The following MYT1L variants were observed in gnomAD, a reference collection of about 807,000 sequenced individuals.
MYT1L encodes myelin transcription factor 1 like.
Under a neutral mutation model 126.7 loss-of-function variants are expected in MYT1L, and 12 were observed. The ratio of observed to expected loss-of-function variants is 0.09; its 90% CI spans 0.06 to 0.15. MYT1L has a LOEUF of 0.15. Ranked by LOEUF, MYT1L falls within the 10% of genes least tolerant of loss-of-function variation. The pLI, the probability that MYT1L is intolerant of heterozygous loss-of-function variation, is 1.00. For missense variants in MYT1L, 979 were observed against 1,585.2 expected, an observed-to-expected ratio of 0.62 and a Z score of 6.49; for synonymous variants, 541 against 604.2, an observed-to-expected ratio of 0.90 and a Z score of 1.53.
chr2:2,089,657 G>A (rs561183482), intron 3 of MYT1L, among the ~76,000 whole-genome samples: 2 of 152,128 alleles, frequency 1.3e-5, no homozygotes, highest in African/African-American at 2.4e-5. Flanking sequence ...ACAGATGGAC[G>A]GAGGTTAATA....
At chr2:2,254,012 T>C (rs781422451) in intron 2 of MYT1L, among the ~76,000 whole-genome samples, 3 of 152,148 alleles carry the variant, frequency 2.0e-5, no homozygotes, top group Admixed American at 6.5e-5. Flanking sequence ...CAGCACACTA[T>C]GTATAAAAGA....
intron 1 of MYT1L, among the ~76,000 whole-genome samples, chr2:2,307,503 AATT>A (rs1192715448): frequency 1.3e-5 from 2 of 152,176 alleles, no homozygotes; most frequent in Middle Eastern, 3.4e-3. Flanking sequence ...CTGCCAGACT[AATT>A]ATCCCAAAGA....
rs2041111057 is a variant in MYT1L, at chr2:1,837,819, AGAG to A, written c.3080+1327_3080+1329del. Among the ~76,000 whole-genome samples the A allele has an allele frequency of 2.6e-5, 4 of 151,970 alleles. No individual in the cohort carries two copies. In the South Asian group the frequency reaches 8.3e-4, roughly 32 times the overall value. ...ATAAATAGGGGTGCTTTTCAGTTCCAGAGAAGACGGGAACTGCCTGCCTTTGAG... is the reference window on the plus strand; with the variant it reads ...ATAAATAGGGGTGCTTTTCAGTTCCAAAGACGGGAACTGCCTGCCTTTGAG... On this transcript the variant is annotated intron_variant, in intron 21 of 24. Coordinates refer to ENST00000647738, the MANE Select transcript of MYT1L (RefSeq NM_001303052.2).
chr2:2,164,679 T>C (rs1325157170), intron 3 of MYT1L, among the ~76,000 whole-genome samples: 1 of 152,192 alleles, frequency 6.6e-6, no homozygotes, highest in Non-Finnish European at 1.5e-5. Context: ...ACCATCTGCA[T>C]AAACTTGTGA....
intron 18 of MYT1L, 37 bp from the exon 19 acceptor site, chr2:1,851,740 GAAAT>G (rs1234975999): frequency 6.3e-7 from 1 of 1,580,820 alleles, no homozygotes; most frequent in East Asian, 2.2e-5. Flanking sequence ...AAAATGGAAA[GAAAT>G]AAAGTTCCCT....
intron 21 of MYT1L, 97 bp from the exon 22 acceptor site, chr2:1,809,264 G>A: frequency 1.7e-6 from 2 of 1,195,582 alleles, no homozygotes; most frequent in South Asian, 2.5e-5. Flanking sequence ...GCATTATTAG[G>A]TTGGTTGCCA....
intron 5 of MYT1L, among the ~76,000 whole-genome samples, chr2:1,984,349 C>T (rs2060842000): frequency 6.6e-6 from 1 of 151,962 alleles, no homozygotes; most frequent in Non-Finnish European, 1.5e-5. Flanking sequence ...GTGTGTGCCA[C>T]CATGCCTGGC....
intron 21 of MYT1L, among the ~76,000 whole-genome samples, chr2:1,822,886 T>C (rs1171101014): frequency 6.6e-6 from 1 of 152,176 alleles, no homozygotes; most frequent in Admixed American, 6.5e-5. Flanking sequence ...TGCTGAGGAC[T>C]GAGTGTAATC....
At chr2:2,079,472 A>G (rs2075581321) in intron 3 of MYT1L, among the ~76,000 whole-genome samples, 1 of 152,228 alleles carries the variant, frequency 6.6e-6, no homozygotes, top group Admixed American at 6.5e-5. Context: ...TGCTAAGTTG[A>G]TTTAAAAATT....
chr2:2,300,097 T>C (rs1351274221), intron 1 of MYT1L, among the ~76,000 whole-genome samples: 1 of 152,208 alleles, frequency 6.6e-6, no homozygotes, highest in East Asian at 1.9e-4. Context: ...CATAAACACA[T>C]AAACTCAAAA....
At chr2:2,147,020 C>T (rs996591841) in intron 3 of MYT1L, among the ~76,000 whole-genome samples, 2 of 152,174 alleles carry the variant, frequency 1.3e-5, no homozygotes, top group African/African-American at 4.8e-5. Flanking sequence ...CATTTCTCAG[C>T]AACAAGACTC....
Position 1,889,639 on chromosome 2 carries a change from G to T in MYT1L, c.2284-162C>A, listed in dbSNP as rs1040427125. Among the ~76,000 whole-genome samples the T allele has an allele frequency of 6.6e-6, 1 of 152,250 alleles. No individual in the cohort carries two copies. The highest frequency in any genetic ancestry group is 2.1e-4 in the South Asian group (1 of 4,822). On this transcript the variant is annotated intron_variant, in intron 15 of 24. Coordinates refer to ENST00000647738, the MANE Select transcript of MYT1L (RefSeq NM_001303052.2). The surrounding 1 kb of genome is among the most constrained non-coding windows in gnomAD (Gnocchi z 4.1). Reference sequence around the variant, plus strand: ...TAAACTCCCAAGGCGGACAGGCCTTGTCTGGTGGTACATTCCTGCTATCCC... The same window carrying T: ...TAAACTCCCAAGGCGGACAGGCCTTTTCTGGTGGTACATTCCTGCTATCCC...
intron 18 of MYT1L, among the ~76,000 whole-genome samples, chr2:1,861,528 C>A (rs2044602985): frequency 1.3e-5 from 2 of 149,660 alleles, no homozygotes; most frequent in Non-Finnish European, 1.5e-5. Context: ...TAGCCCTTAA[C>A]TTCTCTCATA....
At chr2:2,000,656 T>C (rs1450450240) in intron 4 of MYT1L, among the ~76,000 whole-genome samples, 1 of 152,194 alleles carries the variant, frequency 6.6e-6, no homozygotes, top group Non-Finnish European at 1.5e-5. Flanking sequence ...GGGTTTCTTA[T>C]GAATCCCATG....
At chr2:2,013,189 C>G (rs955528928) in intron 4 of MYT1L, among the ~76,000 whole-genome samples, 1 of 152,162 alleles carries the variant, frequency 6.6e-6, no homozygotes, top group South Asian at 2.1e-4. Context: ...AAGGAACACT[C>G]AGGAAACACA....
chr2:2,087,511 A>G (rs2076477635), intron 3 of MYT1L, among the ~76,000 whole-genome samples: 1 of 152,216 alleles, frequency 6.6e-6, no homozygotes, highest in African/African-American at 2.4e-5. Context: ...GGGATCACAC[A>G]GCATTTGGCA....
At chr2:2,243,910 C>T (rs1424339308) in intron 2 of MYT1L, among the ~76,000 whole-genome samples, 1 of 152,152 alleles carries the variant, frequency 6.6e-6, no homozygotes, top group African/African-American at 2.4e-5. Flanking sequence ...TAATTGGCAA[C>T]CTTGTTAGCA....
chr2:2,120,736 A>T (rs756836970), intron 3 of MYT1L, among the ~76,000 whole-genome samples: 3 of 152,128 alleles, frequency 2.0e-5, no homozygotes, highest in Non-Finnish European at 4.4e-5. Flanking sequence ...GTAAATTACG[A>T]AAGATGATCC....
chr2:2,031,659 C>T (rs2066277224), intron 4 of MYT1L, among the ~76,000 whole-genome samples: 1 of 137,762 alleles, frequency 7.3e-6, no homozygotes, highest in Admixed American at 7.5e-5. Flanking sequence ...CTCACCAGTG[C>T]CTCTCATCCT....
Sources: allele counts gnomAD v4.1 joint callset (sites outside exome capture counted in the v4.1 genomes callset), GRCh38; gene constraint gnomAD v4.1.1; non-coding constraint Gnocchi (gnomAD v3.1); transcripts MANE v1.5; gene names NCBI Gene and HGNC (gene_info 2026-07-23, HGNC 2026-07-21).